HOMER1: variants seen among roughly 807,000 people sequenced by gnomAD.
HOMER1 encodes the protein homer scaffold protein 1.
HOMER1 carries 3 observed loss-of-function variants against 48.9 expected under a neutral mutation model. That is an observed-to-expected ratio of 0.06 (90% CI 0.03 to 0.16). The LOEUF (loss-of-function observed/expected upper bound fraction) is 0.16, where lower values mean the gene tolerates loss of function less well. Ranked by LOEUF, HOMER1 falls within the 10% of genes least tolerant of loss-of-function variation. The pLI is 1.00. For missense variants in HOMER1, 247 were observed against 411.4 expected (o/e 0.60, Z 3.46); for synonymous variants, 134 against 146.4 (o/e 0.92, Z 0.61).
chr5:79,486,820 T>C (rs1382547954), intron 1 of HOMER1, among the ~76,000 whole-genome samples: 2 of 152,204 alleles, frequency 1.3e-5, no homozygotes, highest in Non-Finnish European at 2.9e-5. Context: ...TTACAAGCAA[T>C]GGAACACTAT....
intron 5 of HOMER1, among the ~76,000 whole-genome samples, chr5:79,413,086 T>A (rs1419205881): frequency 6.6e-6 from 1 of 152,158 alleles, no homozygotes; most frequent in Non-Finnish European, 1.5e-5. Context: ...CAATACAAAT[T>A]TTCCAGTTTG....
At chr5:79,497,591 G>T (rs1752462673) in intron 1 of HOMER1, among the ~76,000 whole-genome samples, 1 of 151,658 alleles carries the variant, frequency 6.6e-6, no homozygotes, top group African/African-American at 2.4e-5. Flanking sequence ...TTTGAACCCG[G>T]GAGGCGGAGG....
chr5:79,378,871 T>A (rs1034574761), intron 8 of HOMER1, among the ~76,000 whole-genome samples: 1 of 151,454 alleles, frequency 6.6e-6, no homozygotes, highest in East Asian at 1.9e-4. Flanking sequence ...CTCTCTAGAA[T>A]GAATCCCCTA....
intron 1 of HOMER1, among the ~76,000 whole-genome samples, chr5:79,495,364 C>T (rs530817333): frequency 2.6e-5 from 4 of 152,312 alleles, no homozygotes; most frequent in African/African-American, 7.2e-5. Flanking sequence ...CCTCCCCCAA[C>T]TCTTATTTGT....
chr5:79,421,698 G>A (rs1164839120), intron 5 of HOMER1, among the ~76,000 whole-genome samples: 3 of 151,082 alleles, frequency 2.0e-5, no homozygotes, highest in Non-Finnish European at 2.9e-5. Context: ...CTCCATCTCC[G>A]GGTTCAAGTG....
At chr5:79,464,611 G>A (rs929522416) in intron 1 of HOMER1, among the ~76,000 whole-genome samples, 1 of 152,088 alleles carries the variant, frequency 6.6e-6, no homozygotes, top group African/African-American at 2.4e-5. Context: ...AATATAAATT[G>A]AAACTCCACA....
intron 1 of HOMER1, among the ~76,000 whole-genome samples, chr5:79,492,207 T>C (rs73124195): frequency 0.08 from 12,106 of 152,212 alleles, 1,056 homozygotes; most frequent in East Asian, 0.23. Flanking sequence ...ATTGCTTAAT[T>C]TAGTTAAATG....
chr5:79,400,719 A>G (rs113343496), intron 6 of HOMER1, among the ~76,000 whole-genome samples: 1 of 108,848 alleles, frequency 9.2e-6, no homozygotes, highest in Non-Finnish European at 1.7e-5. Flanking sequence ...CTATGCCTTG[A>G]ATTAAAAAAA....
chr5:79,460,807 C>T (rs541841683), intron 1 of HOMER1, among the ~76,000 whole-genome samples: 1 of 152,258 alleles, frequency 6.6e-6, no homozygotes, highest in South Asian at 2.1e-4. Flanking sequence ...AAAAATTTTC[C>T]AGCTCAAAAT....
chr5:79,496,764 C>T (rs1341404562), intron 1 of HOMER1, among the ~76,000 whole-genome samples: 1 of 151,720 alleles, frequency 6.6e-6, no homozygotes, highest in Non-Finnish European at 1.5e-5. Flanking sequence ...AAGATAATTC[C>T]GCGAATAGAA....
intron 1 of HOMER1, among the ~76,000 whole-genome samples, chr5:79,507,349 A>ATATT (rs1053119358): frequency 2.6e-5 from 4 of 152,122 alleles, no homozygotes; most frequent in African/African-American, 9.7e-5. Flanking sequence ...ATCTAAATAA[A>ATATT]TATTCCTTAT....
intron 4 of HOMER1, among the ~76,000 whole-genome samples, chr5:79,441,951 C>T (rs1750747370): frequency 6.8e-6 from 1 of 148,112 alleles, no homozygotes; most frequent in South Asian, 2.2e-4. Context: ...CATCCTACTT[C>T]AGTTATTCTT....
Position 79,422,827 on chromosome 5 carries a change from C to CTT in HOMER1, c.527+16181_527+16182dup, listed in dbSNP as rs556704839. Reference sequence around the variant, plus strand: ...TAAATGGACTCTTAAAAGATGATCTCTTTTTTTTTTTTTTTTTTTGGCTAG... The same window carrying CTT: ...TAAATGGACTCTTAAAAGATGATCTCTTTTTTTTTTTTTTTTTTTTTGGCTAG... On this transcript the variant is annotated intron_variant, in intron 5 of 8. Coordinates refer to ENST00000334082, the MANE Select transcript of HOMER1 (RefSeq NM_004272.5). Among the ~76,000 whole-genome samples, 69 of 121,542 alleles carry CTT rather than the reference C, an allele frequency of 5.7e-4. 1 individual carries two copies. Among genetic ancestry groups the CTT allele is most frequent in the South Asian group, 1.6e-3 (6 of 3,648 alleles). The allele number at this position is 121,542 out of a possible 152,430, so 79.7% of individuals were successfully genotyped here.
rs1753025010 is a variant in HOMER1, at chr5:79,513,993, TA to T, written c.-1220del. The T allele has an allele frequency of 6.5e-6, 1 of 153,524 alleles. No individual in the cohort carries two copies. The highest frequency in any genetic ancestry group is 1.5e-5 in the Non-Finnish European group (1 of 68,612). The allele number at this position is 153,524 out of a possible 1,614,324, so 9.5% of individuals were successfully genotyped here. A position where few individuals can be genotyped will look rare whatever the true frequency, so the allele number is the denominator to read the frequency against. On this transcript the variant is annotated 5_prime_UTR_variant, in exon 1 of 9. Coordinates refer to ENST00000334082, the MANE Select transcript of HOMER1 (RefSeq NM_004272.5). ...ACTTCCATCAGCGCCCGCCTCCGGC[TA>T]CCGCCGGGCAGAGCAGCGCCAGCCC...
At chr5:79,448,961 A>G (rs1048910219) in intron 3 of HOMER1, among the ~76,000 whole-genome samples, 1 of 151,222 alleles carries the variant, frequency 6.6e-6, no homozygotes, top group Non-Finnish European at 1.5e-5. Context: ...GCTAACTTTA[A>G]AGAAGAAAAA....
Position 79,373,877 on chromosome 5 carries a change from A to G in HOMER1, c.*2132T>C, listed in dbSNP as rs1748694856. 1.3e-5 allele frequency: 2 copies of G among 152,004 alleles called. No homozygotes were observed. Among genetic ancestry groups the G allele is most frequent in the East Asian group, 1.9e-4 (1 of 5,206 alleles). 9.4% of individuals were successfully genotyped at this position (152,004 alleles called of 1,614,324 possible). ...TGTATATACATATGGGTATATGTAT[A>G]TATTGAATCACACATATGTCCCACA... On this transcript the variant is annotated 3_prime_UTR_variant, in exon 9 of 9. Coordinates refer to ENST00000334082, the MANE Select transcript of HOMER1 (RefSeq NM_004272.5).
chr5:79,397,123 A>T (rs1439455950), intron 7 of HOMER1, among the ~76,000 whole-genome samples: 2 of 152,216 alleles, frequency 1.3e-5, no homozygotes, highest in African/African-American at 4.8e-5. Flanking sequence ...CTTCTGGTAC[A>T]GCAATGCTTA....
At chr5:79,511,578 ACT>A (rs1444054351) in intron 1 of HOMER1, among the ~76,000 whole-genome samples, 1 of 152,156 alleles carries the variant, frequency 6.6e-6, no homozygotes, top group South Asian at 2.1e-4. Flanking sequence ...TATTTTAATT[ACT>A]CTTAGCGGTA....
intron 5 of HOMER1, among the ~76,000 whole-genome samples, chr5:79,421,647 C>G (rs1476305866): frequency 2.6e-5 from 4 of 151,660 alleles, no homozygotes; most frequent in African/African-American, 9.7e-5. Flanking sequence ...CTCTTGTCGC[C>G]CAGGCTGGAG....
Sources: allele counts gnomAD v4.1 joint callset (sites outside exome capture counted in the v4.1 genomes callset), GRCh38; gene constraint gnomAD v4.1.1; transcripts MANE v1.5; gene names NCBI Gene and HGNC (gene_info 2026-07-23, HGNC 2026-07-21).